NXF2: variants seen among roughly 807,000 people sequenced by gnomAD.
The protein encoded by NXF2 is nuclear RNA export factor 2, also known as TAP-like protein 2.
chrX:102,281,716 G>A (rs1387892487), intron 2 of NXF2, among the ~76,000 whole-genome samples: 78 of 93,240 alleles, frequency 8.4e-4, no homozygotes, highest in Non-Finnish European at 1.4e-3. Flanking sequence ...TGGTATCTCA[G>A]TATGTCGTGT....
intron 2 of NXF2, among the ~76,000 whole-genome samples, chrX:102,282,417 G>A (rs1475991674): frequency 8.7e-6 from 1 of 114,491 alleles, no homozygotes; most frequent in East Asian, 2.7e-4. Context: ...GGCCAGGGGT[G>A]GGGGAGGGGT....
chrX:102,252,138 G>T (rs1325632667), intron 2 of NXF2, among the ~76,000 whole-genome samples: 1 of 74,124 alleles, frequency 1.3e-5, no homozygotes, highest in African/African-American at 5.1e-5. Context: ...GATTACAGCC[G>T]CCCGCCACCT....
At chrX:102,282,645 C>T (rs1324761272) in intron 2 of NXF2, among the ~76,000 whole-genome samples, 2 of 73,292 alleles carry the variant, frequency 2.7e-5, no homozygotes, top group East Asian at 4.6e-4. Flanking sequence ...ATGTGGTTTT[C>T]GTTTTTAGTT....
intron 2 of NXF2, among the ~76,000 whole-genome samples, chrX:102,282,719 G>A (rs1204958796): frequency 6.5e-5 from 2 of 30,953 alleles, no homozygotes; most frequent in Non-Finnish European, 1.2e-4. Flanking sequence ...CATCCCAGGA[G>A]TAGGGCCTAC....
At chrX:102,251,907 A>G (rs1194231918) in intron 2 of NXF2, among the ~76,000 whole-genome samples, 6 of 112,723 alleles carry the variant, frequency 5.3e-5, no homozygotes, top group African/African-American at 1.9e-4. Context: ...TTTTTCTTTC[A>G]TTGCCTCCGG....
intron 2 of NXF2, among the ~76,000 whole-genome samples, chrX:102,281,728 A>ACCCCCCCC (rs61468793): frequency 1.8e-5 from 1 of 55,634 alleles, no homozygotes; most frequent in Non-Finnish European, 3.2e-5. Flanking sequence ...ATGTCGTGTG[A>ACCCCCCCC]CCCCCCCCCT....
At chrX:102,282,300 C>T (rs1361609536) in intron 2 of NXF2, among the ~76,000 whole-genome samples, 3 of 114,214 alleles carry the variant, frequency 2.6e-5, no homozygotes, top group South Asian at 3.4e-4. Flanking sequence ...GAGTTTGGTC[C>T]GGTTTTCCTT....
chrX:102,293,579 G>GTTTTTT (rs1312898293), intron 2 of NXF2, among the ~76,000 whole-genome samples: 1 of 15,742 alleles, frequency 6.4e-5, no homozygotes, highest in African/African-American at 2.2e-4. Flanking sequence ...AGTTTTGTTT[G>GTTTTTT]TTTTTTTTTT....
intron 2 of NXF2, among the ~76,000 whole-genome samples, chrX:102,282,340 T>C (rs1171982956): frequency 1.7e-5 from 2 of 114,864 alleles, no homozygotes; most frequent in African/African-American, 6.3e-5. Flanking sequence ...ACTGAGGTCA[T>C]TGCTTCACAA....
intron 2 of NXF2, among the ~76,000 whole-genome samples, chrX:102,266,474 C>CA (rs1347116913): frequency 2.8e-4 from 12 of 43,023 alleles, no homozygotes; most frequent in Middle Eastern, 0.014. Flanking sequence ...AAAAACCCTT[C>CA]AAAAAATCAA....
intron 2 of NXF2, among the ~76,000 whole-genome samples, chrX:102,290,040 A>G (rs1281583589): frequency 3.9e-5 from 2 of 51,192 alleles, no homozygotes; most frequent in Non-Finnish European, 8.3e-5. Flanking sequence ...CCCATCAACA[A>G]GTGGGCGAAA....
At chrX:102,282,321 C>A (rs1376472881) in intron 2 of NXF2, among the ~76,000 whole-genome samples, 1 of 114,759 alleles carries the variant, frequency 8.7e-6, no homozygotes, top group Non-Finnish European at 1.9e-5. Context: ...TCTGCTCTAA[C>A]AGGATAGCAC....
Position 102,294,121 on chromosome X carries a change from C to T in NXF2, c.-53-12905C>T, listed in dbSNP as rs1355500274. ...CGAGTTAATGGGTGCAGCACACCAA[C>T]ATGGCACATGTATACATATGTAACA... On this transcript the variant is annotated intron_variant, in intron 2 of 22. Coordinates refer to ENST00000625106, the MANE Select transcript of NXF2 (RefSeq NM_022053.4). 7.7e-5 allele frequency among the ~76,000 whole-genome samples: 7 copies of T among 90,437 alleles called. No individual in the cohort carries two copies. In the South Asian group the frequency reaches 4.0e-3, roughly 52 times the overall value. 78.5% of individuals were successfully genotyped at this position (90,437 alleles called of 115,157 possible).
chrX:102,252,041 G>A (rs1247861771), intron 2 of NXF2, among the ~76,000 whole-genome samples: 2 of 112,006 alleles, frequency 1.8e-5, no homozygotes, highest in Non-Finnish European at 3.8e-5. Flanking sequence ...CGTCCAGGCT[G>A]GAGTGCAGTG....
intron 2 of NXF2, among the ~76,000 whole-genome samples, chrX:102,281,654 C>T (rs1933915345): frequency 9.5e-6 from 1 of 105,647 alleles, no homozygotes; most frequent in African/African-American, 3.5e-5. Flanking sequence ...ACAAGGTGTG[C>T]AGCCTGGGGT....
intron 2 of NXF2, among the ~76,000 whole-genome samples, chrX:102,282,284 T>C (rs1345736070): frequency 8.8e-6 from 1 of 113,395 alleles, no homozygotes; most frequent in Non-Finnish European, 1.9e-5. Flanking sequence ...TGGGGGGGCA[T>C]GAGCTGAGTT....
At chrX:102,289,812 T>C in intron 2 of NXF2, among the ~76,000 whole-genome samples, 1 of 104,457 alleles carries the variant, frequency 9.6e-6, no homozygotes, top group Non-Finnish European at 2.0e-5. Flanking sequence ...CCATGCTGTT[T>C]TGGTTACTGT....
intron 2 of NXF2, among the ~76,000 whole-genome samples, chrX:102,281,743 C>T (rs1438135840): frequency 6.5e-5 from 5 of 77,210 alleles, no homozygotes; most frequent in Middle Eastern, 6.8e-3. Context: ...CCCCCTCCCC[C>T]GACCCCTGGT....
At chrX:102,281,730 C>T (rs868989083) in intron 2 of NXF2, among the ~76,000 whole-genome samples, 1 of 74,645 alleles carries the variant, frequency 1.3e-5, no homozygotes, top group African/African-American at 4.9e-5. Context: ...GTCGTGTGAC[C>T]CCCCCCCTCC....
Sources: allele counts gnomAD v4.1 joint callset (sites outside exome capture counted in the v4.1 genomes callset), GRCh38; gene constraint gnomAD v4.1.1; transcripts MANE v1.5; gene names NCBI Gene and HGNC (gene_info 2026-07-23, HGNC 2026-07-21).